The following USP38 variants were observed in gnomAD, a reference collection of about 807,000 sequenced individuals.
USP38 encodes the protein ubiquitin specific peptidase 38.
In USP38, 49 loss-of-function variants were observed where a neutral mutation model predicts 94.3. The ratio of observed to expected loss-of-function variants is 0.52; its 90% CI spans 0.41 to 0.66. USP38 has a LOEUF of 0.66. USP38 is among the 30% of genes least tolerant of loss of function. USP38 has a pLI of 0.00. For missense variants in USP38, 1,128 were observed against 1,229.4 expected, an observed-to-expected ratio of 0.92 and a Z score of 1.23; for synonymous variants, 468 against 463.6, an observed-to-expected ratio of 1.01 and a Z score of -0.12.
chr4:143,198,607 A>G (rs1191178067), intron 4 of USP38, among the ~76,000 whole-genome samples: 1 of 152,174 alleles, frequency 6.6e-6, no homozygotes, highest in African/African-American at 2.4e-5. Flanking sequence ...TCACCATAAC[A>G]AACTTTAGAG....
chr4:143,206,855 T>C (rs1242110161), intron 6 of USP38, among the ~76,000 whole-genome samples: 2 of 152,188 alleles, frequency 1.3e-5, no homozygotes, highest in Non-Finnish European at 2.9e-5. Context: ...AGGGAAGTTA[T>C]ATATAATTTT....
intron 2 of USP38, among the ~76,000 whole-genome samples, chr4:143,189,601 C>T (rs924281821): frequency 1.3e-5 from 2 of 151,978 alleles, no homozygotes; most frequent in Non-Finnish European, 2.9e-5. Context: ...TCTTCCTCTT[C>T]TAGCGTTTCT....
In USP38 at chr4:143,188,530, T is replaced by G. The variant is rs531275406; in HGVS notation, c.818+569T>G. Among the ~76,000 whole-genome samples the G allele has an allele frequency of 6.6e-5, 10 of 152,122 alleles. No individual in the cohort carries two copies. In the South Asian group the frequency reaches 2.1e-3, roughly 31 times the overall value. On this transcript the variant is annotated intron_variant, in intron 2 of 9. Coordinates refer to ENST00000307017, the MANE Select transcript of USP38 (RefSeq NM_032557.6). Reference sequence around the variant, plus strand: ...GTGGGAAGTCAGCTGTCAATCTGACTGTCATTCCTTTGTGAGTAGTCAGCT... The same window carrying G: ...GTGGGAAGTCAGCTGTCAATCTGACGGTCATTCCTTTGTGAGTAGTCAGCT...
chr4:143,185,421 C>T lies in USP38; in HGVS notation c.-30C>T, dbSNP rs758216778. ...GGGCTGCCGCCACCCGCTCCTTATC[C>T]CCTGGCCCTGGCCTTGCAGCGTGGC... On this transcript the variant is annotated 5_prime_UTR_variant, in exon 1 of 10. Coordinates refer to ENST00000307017, the MANE Select transcript of USP38 (RefSeq NM_032557.6). 20 of 1,546,996 alleles carry T rather than the reference C, an allele frequency of 1.3e-5. No individual in the cohort carries two copies. The highest frequency in any genetic ancestry group is 1.7e-5 in the Non-Finnish European group (20 of 1,144,404).
At chr4:143,200,762 G>A (rs963023195) in intron 4 of USP38, among the ~76,000 whole-genome samples, 2 of 152,060 alleles carry the variant, frequency 1.3e-5, no homozygotes, top group African/African-American at 4.8e-5. Flanking sequence ...AATCAGGAAG[G>A]CGATCCCATT....
intron 4 of USP38, among the ~76,000 whole-genome samples, chr4:143,201,555 G>A (rs929235402): frequency 9.9e-5 from 15 of 152,098 alleles, no homozygotes; most frequent in African/African-American, 3.6e-4. Flanking sequence ...GAGTTGCTAA[G>A]TATGAGCAAT....
In USP38 at chr4:143,213,687, G is replaced by A. The variant is rs1448540082; in HGVS notation, c.1711G>A (p.Val571Ile). 6.2e-7 allele frequency: 1 copy of A among 1,613,690 alleles called. No individual in the cohort carries two copies. Residue 571 changes from valine to isoleucine, a missense_variant, in exon 9 of 10, where the codon GTA becomes ATA. Physicochemically the swap from Val to Ile is conservative, Grantham distance 29. Transcript: ENST00000307017. ...SLQEVASKAA[V>I]LTETPRTSDG... Reference sequence around the variant, plus strand: ...ACAGGAAGTAGCTAGTAAAGCAGCAGTACTAACAGAGACCCCTCGTACAAG... The same window carrying A: ...ACAGGAAGTAGCTAGTAAAGCAGCAATACTAACAGAGACCCCTCGTACAAG...
At chr4:143,199,761 G>T (rs1231521036) in intron 4 of USP38, among the ~76,000 whole-genome samples, 3 of 151,940 alleles carry the variant, frequency 2.0e-5, no homozygotes, top group Non-Finnish European at 2.9e-5. Context: ...TCTTAAGCTT[G>T]TTGGCTGCAT....
intron 2 of USP38, among the ~76,000 whole-genome samples, chr4:143,193,564 A>G (rs930011861): frequency 6.6e-5 from 10 of 152,238 alleles, no homozygotes; most frequent in Admixed American, 2.6e-4. Flanking sequence ...TGTAACCATC[A>G]TTGTTGGAAA....
At chr4:143,211,185 G>C (rs1465670335) in intron 7 of USP38, among the ~76,000 whole-genome samples, 3 of 152,074 alleles carry the variant, frequency 2.0e-5, no homozygotes, top group Admixed American at 2.0e-4. Context: ...AAGAAAAGTA[G>C]AAATTTAAAA....
chr4:143,189,046 A>G (rs984909898), intron 2 of USP38, among the ~76,000 whole-genome samples: 2 of 152,056 alleles, frequency 1.3e-5, no homozygotes, highest in African/African-American at 4.8e-5. Context: ...GCAGACAAAA[A>G]GAGGGATAGG....
In USP38 at chr4:143,206,160, G is replaced by A; in HGVS notation, c.1337G>A (p.Gly446Asp). 6.2e-7 allele frequency: 1 copy of A among 1,613,676 alleles called. No homozygotes were observed. Among genetic ancestry groups the A allele is most frequent in the Non-Finnish European group, 8.5e-7 (1 of 1,179,880 alleles). Residue 446 changes from glycine (G) to aspartate (D), a missense_variant, in exon 6 of 10, where the codon GGT becomes GAT. Coordinates refer to ENST00000307017, the MANE Select transcript of USP38 (RefSeq NM_032557.6). ...GGAAAATCTGAAACTGGGAAAACTG[G>A]TCTTATTAACCTAGGAAATACATGT... is the stretch of plus-strand genomic sequence containing the variant. ...LSGKSETGKT[G>D]LINLGNTCYM... is the part of the protein sequence containing the mutation.
chr4:143,205,590 G>A (rs547033953), intron 5 of USP38, among the ~76,000 whole-genome samples: 2 of 152,194 alleles, frequency 1.3e-5, no homozygotes, highest in African/African-American at 4.8e-5. Flanking sequence ...GTAAATATTA[G>A]TATTTAATGA....
Position 143,187,978 on chromosome 4 carries a change from C to T in USP38, c.818+17C>T. On this transcript the variant is annotated intron_variant, in intron 2 of 9. Coordinates refer to ENST00000307017, the MANE Select transcript of USP38 (RefSeq NM_032557.6). ...CCTTTGCAGGTACTTCTTCATGACA[C>T]TATTAATGGTAATTGTAGATTTGGG... is the stretch of plus-strand genomic sequence containing the variant. 1 of 1,592,360 alleles carries T rather than the reference C, an allele frequency of 6.3e-7. No homozygotes were observed. The highest frequency in any genetic ancestry group is 8.5e-7 in the Non-Finnish European group (1 of 1,172,016).
rs186667545 is a variant in USP38, at chr4:143,185,927, C to T, written c.477C>T (p.Pro159=). The T allele has an allele frequency of 1.9e-6, 3 of 1,614,206 alleles. No homozygotes were observed. In the East Asian group the frequency reaches 6.7e-5, roughly 36 times the overall value. The change falls in exon 1 of 10, where the codon CCC becomes CCT. Residue 159 remains proline (P), a synonymous_variant. Coordinates refer to ENST00000307017, the MANE Select transcript of USP38 (RefSeq NM_032557.6). ...TGACCGACTTTGTGCAATGCATCCC[C>T]AAGGGGAAATTGTCCATCACGTTCT... The part of the protein sequence containing the change: ...DLLTDFVQCI[P]KGKLSITFCQ...
Position 143,214,877 on chromosome 4 carries a change from T to C in USP38, c.2901T>C (p.Asn967=). 6.2e-7 allele frequency: 1 copy of C among 1,613,524 alleles called. No individual in the cohort carries two copies. The highest frequency in any genetic ancestry group is 8.5e-7 in the Non-Finnish European group (1 of 1,179,686). The change falls in exon 9 of 10, where the codon AAT becomes AAC. Residue 967 remains asparagine (N), a synonymous_variant. Transcript: ENST00000307017. ...GNNPTSGLWI[N]GDPPLQKELM... ...ACCCAACCAGTGGACTCTGGATAAA[T>C]GGAGACCCACCTCTACAGAAAGAAC... is the stretch of plus-strand genomic sequence containing the variant.
intron 4 of USP38, among the ~76,000 whole-genome samples, chr4:143,199,143 C>T (rs576510199): frequency 6.6e-6 from 1 of 152,140 alleles, no homozygotes; most frequent in Non-Finnish European, 1.5e-5. Context: ...TCCCACTCTC[C>T]CCGCTCAAGT....
At position 143,222,892 on chromosome 4, in the gene USP38, T is replaced by G. The variant is rs1205016929; in HGVS notation, c.*2436T>G. On this transcript the variant is annotated 3_prime_UTR_variant, in exon 10 of 10. Coordinates refer to ENST00000307017, the MANE Select transcript of USP38 (RefSeq NM_032557.6). ...TCCTAACCCGTGTACTAGCTCCAAC[T>G]GTTGTGAGGTTTGACTCTGAAGACT... is the stretch of plus-strand genomic sequence containing the variant. 1 of 152,120 alleles carries G rather than the reference T, an allele frequency of 6.6e-6. No homozygotes were observed. Among genetic ancestry groups the G allele is most frequent in the Non-Finnish European group, 1.5e-5 (1 of 67,972 alleles). 9.4% of individuals were successfully genotyped at this position (152,120 alleles called of 1,614,324 possible). A position where few individuals can be genotyped will look rare whatever the true frequency, so the allele number is the denominator to read the frequency against.
intron 2 of USP38, among the ~76,000 whole-genome samples, chr4:143,192,654 A>G (rs1731432181): frequency 6.6e-6 from 1 of 150,592 alleles, no homozygotes; most frequent in African/African-American, 2.5e-5. Flanking sequence ...CACTTGGCAG[A>G]AAGAGCAGGG....
Sources: gnomAD v4.1 joint callset for allele counts (sites outside exome capture counted in the v4.1 genomes callset) on GRCh38, gnomAD v4.1.1 for gene constraint, MANE v1.5 for transcripts, NCBI Gene and HGNC (gene_info 2026-07-23, HGNC 2026-07-21) for gene names.